The following KCTD16 variants were observed in gnomAD, a reference collection of about 807,000 sequenced individuals.
KCTD16 encodes the protein BTB/POZ domain-containing protein KCTD16.
A neutral mutation model predicts 33.2 loss-of-function variants in KCTD16; 13 were observed. The observed-to-expected ratio is 0.39, with a 90% CI of 0.25 to 0.62. The LOEUF is 0.62. Ranked by LOEUF, KCTD16 falls within the 20% of genes least tolerant of loss-of-function variation. The pLI, the probability that KCTD16 is intolerant of heterozygous loss-of-function variation, is 0.50. For synonymous variants in KCTD16, 197 were observed against 195.3 expected, an observed-to-expected ratio of 1.01 and a Z score of -0.07; for missense variants, 441 against 525.1, an observed-to-expected ratio of 0.84 and a Z score of 1.57.
chr5:144,193,290 G>T (rs1283865309), intron 2 of KCTD16, among the ~76,000 whole-genome samples: 1 of 152,046 alleles, frequency 6.6e-6, no homozygotes, highest in Non-Finnish European at 1.5e-5. Flanking sequence ...CTGTGGTTTG[G>T]TCCCTGCCTA....
At chr5:144,388,847 A>C (rs1288411577) in intron 3 of KCTD16, among the ~76,000 whole-genome samples, 1 of 152,214 alleles carries the variant, frequency 6.6e-6, no homozygotes, top group Non-Finnish European at 1.5e-5. Context: ...CAAAACAAAG[A>C]CTTTGTTCTC....
At chr5:144,205,798 T>C (rs1005852193) in intron 2 of KCTD16, 3 of 384,480 alleles carry the variant, frequency 7.8e-6, no homozygotes, top group Non-Finnish European at 1.4e-5. Context: ...TAACTTAAGA[T>C]ACGGAATGAA....
chr5:144,310,028 A>G (rs1424443689), intron 3 of KCTD16, among the ~76,000 whole-genome samples: 4 of 140,594 alleles, frequency 2.8e-5, no homozygotes, highest in Non-Finnish European at 6.2e-5. Flanking sequence ...GCCAGCAGAA[A>G]CACAAGTTGT....
chr5:144,427,012 C>G (rs2126966400), intron 3 of KCTD16, among the ~76,000 whole-genome samples: 1 of 152,210 alleles, frequency 6.6e-6, no homozygotes, highest in African/African-American at 2.4e-5. Context: ...CTTATTCCCA[C>G]TTTAGGTCTT....
At chr5:144,270,024 T>A (rs933525018) in intron 3 of KCTD16, among the ~76,000 whole-genome samples, 1 of 152,032 alleles carries the variant, frequency 6.6e-6, no homozygotes, top group African/African-American at 2.4e-5. Flanking sequence ...AACATTTCAG[T>A]ATTAAGGATC....
intron 3 of KCTD16, among the ~76,000 whole-genome samples, chr5:144,349,711 A>G (rs900412279): frequency 1.3e-5 from 2 of 152,130 alleles, no homozygotes; most frequent in African/African-American, 4.8e-5. Context: ...CCCATCTGTC[A>G]GGCATTGCCC....
intron 3 of KCTD16, among the ~76,000 whole-genome samples, chr5:144,317,073 G>A (rs1040983520): frequency 1.3e-5 from 2 of 150,346 alleles, no homozygotes; most frequent in Non-Finnish European, 3.0e-5. Flanking sequence ...TGATCTGCCC[G>A]CCTCAGCCTC....
chr5:144,327,475 T>C (rs1752240293), intron 3 of KCTD16, among the ~76,000 whole-genome samples: 1 of 152,180 alleles, frequency 6.6e-6, no homozygotes, highest in South Asian at 2.1e-4. Flanking sequence ...GTTTCCATGG[T>C]ATCCAATATA....
At chr5:144,296,890 A>C (rs1030499860) in intron 3 of KCTD16, among the ~76,000 whole-genome samples, 12 of 152,266 alleles carry the variant, frequency 7.9e-5, no homozygotes, top group Non-Finnish European at 1.3e-4. Flanking sequence ...ACTTAGAAGA[A>C]AATCTACATA....
chr5:144,441,857 CA>C (rs762797316), intron 3 of KCTD16, among the ~76,000 whole-genome samples: 1,489 of 104,894 alleles, frequency 0.014, 5 homozygotes, highest in South Asian at 0.033. Context: ...ACAATTTCTG[CA>C]AAAAAAAAAA....
intron 2 of KCTD16, among the ~76,000 whole-genome samples, chr5:144,187,301 T>G (rs1012118783): frequency 1.9e-4 from 29 of 152,178 alleles, no homozygotes; most frequent in African/African-American, 7.0e-4. Context: ...AATGCAAATT[T>G]CAGGTAATAT....
Position 144,479,224 on chromosome 5 carries a change from C to T in KCTD16, c.*5110C>T, listed in dbSNP as rs1350820364. The T allele has an allele frequency of 1.3e-5, 2 of 151,662 alleles. No homozygotes were observed. Among genetic ancestry groups the T allele is most frequent in the African/African-American group, 4.8e-5 (2 of 41,344 alleles). 9.4% of individuals were successfully genotyped at this position (151,662 alleles called of 1,614,324 possible). On this transcript the variant is annotated 3_prime_UTR_variant, in exon 4 of 4. Coordinates refer to ENST00000512467, the MANE Select transcript of KCTD16 (RefSeq NM_020768.4). ...GATTAGTGAATTCAGCTATATTTAACCAATCAAATCCTGCGCCATTGAACT... is the reference window on the plus strand; with the variant it reads ...GATTAGTGAATTCAGCTATATTTAATCAATCAAATCCTGCGCCATTGAACT...
intron 3 of KCTD16, among the ~76,000 whole-genome samples, chr5:144,455,823 T>C (rs1461187095): frequency 1.3e-5 from 2 of 152,200 alleles, no homozygotes; most frequent in Non-Finnish European, 2.9e-5. Context: ...TGCAAATGTC[T>C]GAGTATAGCA....
At chr5:144,336,056 T>C (rs927117598) in intron 3 of KCTD16, among the ~76,000 whole-genome samples, 15 of 152,222 alleles carry the variant, frequency 9.9e-5, no homozygotes. Flanking sequence ...GCCATCCATC[T>C]TGCTGAAAAG....
rs572469511 is a variant in KCTD16, at chr5:144,413,964, C to T, written c.833-59696C>T. 3.1e-3 allele frequency among the ~76,000 whole-genome samples: 468 copies of T among 152,254 alleles called. 1 individual carries two copies. In the Middle Eastern group the frequency reaches 0.037, roughly 12 times the overall value. On this transcript the variant is annotated intron_variant, in intron 3 of 3. Transcript: ENST00000512467. Reference sequence around the variant, plus strand: ...GGATTGCAGAGTCCTCATCTGTGAGCTAAAGGAACTGGATTGGATTAAGTG... The same window carrying T: ...GGATTGCAGAGTCCTCATCTGTGAGTTAAAGGAACTGGATTGGATTAAGTG...
intron 3 of KCTD16, among the ~76,000 whole-genome samples, chr5:144,453,500 G>A (rs193156534): frequency 6.6e-6 from 1 of 152,116 alleles, no homozygotes; most frequent in African/African-American, 2.4e-5. Context: ...AGGATGAGGG[G>A]TTTTAGTGTT....
intron 3 of KCTD16, among the ~76,000 whole-genome samples, chr5:144,208,593 A>G (rs113159314): frequency 6.4e-4 from 97 of 152,332 alleles, no homozygotes; most frequent in African/African-American, 2.2e-3. Flanking sequence ...TTCTAAAACA[A>G]ATCCAGAATT....
rs373020690 is a variant in KCTD16, at chr5:144,388,121, A to G, written c.833-85539A>G. Among the ~76,000 whole-genome samples, 21 of 113,062 alleles carry G rather than the reference A, an allele frequency of 1.9e-4. No individual in the cohort carries two copies. In the East Asian group the frequency reaches 5.7e-3, roughly 31 times the overall value. The allele number at this position is 113,062 out of a possible 152,430, so 74.2% of individuals were successfully genotyped here. ...GAGATGGAGTCTCGCTCTGTTGCCC[A>G]GAGACTGGAGTGCAGTGGCGGGATA... On this transcript the variant is annotated intron_variant, in intron 3 of 3. Transcript: ENST00000512467.
chr5:144,416,840 T>A (rs1400970568), intron 3 of KCTD16, among the ~76,000 whole-genome samples: 1 of 152,188 alleles, frequency 6.6e-6, no homozygotes, highest in Non-Finnish European at 1.5e-5. Flanking sequence ...TGGATTTATT[T>A]TGGATATTTC....
Sources: gnomAD v4.1 joint callset for allele counts (sites outside exome capture counted in the v4.1 genomes callset) on GRCh38, gnomAD v4.1.1 for gene constraint, MANE v1.5 for transcripts, NCBI Gene and HGNC (gene_info 2026-07-23, HGNC 2026-07-21) for gene names.